The following WWOX variants were observed in gnomAD, a reference collection of about 807,000 sequenced individuals.
WWOX encodes WW domain-containing oxidoreductase.
A neutral mutation model predicts 46.2 loss-of-function variants in WWOX; 69 were observed. The observed-to-expected ratio is 1.49, with a 90% CI of 1.23 to 1.82. The LOEUF is 1.82. Ranked by LOEUF, WWOX falls within the 40% of genes most tolerant of loss-of-function variation. The pLI, the probability that WWOX is intolerant of heterozygous loss-of-function variation, is 0.00. For synonymous variants in WWOX, 359 were observed against 202.6 expected, an observed-to-expected ratio of 1.77 and a Z score of -6.56; for missense variants, 919 against 542.6, an observed-to-expected ratio of 1.69 and a Z score of -6.89.
chr16:78,651,640 A>T (rs970285432), intron 8 of WWOX, among the ~76,000 whole-genome samples: 11 of 152,178 alleles, frequency 7.2e-5, no homozygotes, highest in African/African-American at 2.7e-4. Flanking sequence ...GACCCAGCTC[A>T]TGTCCCCAGG....
chr16:78,296,038 T>C (rs773099696), intron 5 of WWOX, among the ~76,000 whole-genome samples: 42 of 152,248 alleles, frequency 2.8e-4, no homozygotes, highest in African/African-American at 9.6e-4. Flanking sequence ...TTTCTGAGTA[T>C]GAAAAGCATC....
chr16:78,516,950 C>G (rs1342785439), intron 8 of WWOX, among the ~76,000 whole-genome samples: 2 of 152,012 alleles, frequency 1.3e-5, no homozygotes, highest in South Asian at 4.2e-4. Context: ...TTTTTGGAGA[C>G]TTGGGTCTGT....
intron 8 of WWOX, among the ~76,000 whole-genome samples, chr16:78,881,279 C>T (rs1184254324): frequency 6.6e-6 from 1 of 152,218 alleles, no homozygotes; most frequent in African/African-American, 2.4e-5. Flanking sequence ...GCTAGGGTTA[C>T]AGGCATGAGC....
chr16:78,967,459 G>GTTTT (rs57576563), intron 8 of WWOX, among the ~76,000 whole-genome samples: 6 of 98,330 alleles, frequency 6.1e-5, no homozygotes, highest in South Asian at 3.9e-4. Context: ...AATTTTTGTG[G>GTTTT]TTTTTTTTTT....
chr16:78,748,891 A>T (rs1056645898), intron 8 of WWOX, among the ~76,000 whole-genome samples: 1 of 152,222 alleles, frequency 6.6e-6, no homozygotes, highest in Non-Finnish European at 1.5e-5. Context: ...ATTGATTTGC[A>T]AAGCAGCCTG....
At chr16:78,310,850 C>G (rs1196330235) in intron 5 of WWOX, among the ~76,000 whole-genome samples, 2 of 152,164 alleles carry the variant, frequency 1.3e-5, no homozygotes, top group African/African-American at 2.4e-5. Flanking sequence ...AGAAATGAGC[C>G]TCTGTAACGC....
chr16:78,871,868 G>A (rs191456298), intron 8 of WWOX, among the ~76,000 whole-genome samples: 149 of 152,262 alleles, frequency 9.8e-4, no homozygotes, highest in Middle Eastern at 3.4e-3. Flanking sequence ...CTCCCAAAGC[G>A]CTGGGATTAC....
intron 8 of WWOX, among the ~76,000 whole-genome samples, chr16:78,710,592 T>A (rs888958179): frequency 1.5e-4 from 22 of 146,598 alleles, no homozygotes; most frequent in African/African-American, 5.2e-4. Context: ...AAAATATATA[T>A]AAATATATAC....
intron 8 of WWOX, among the ~76,000 whole-genome samples, chr16:78,807,251 G>T (rs1410276396): frequency 6.6e-6 from 1 of 152,202 alleles, no homozygotes; most frequent in East Asian, 1.9e-4. Context: ...CCACTGGCCA[G>T]TGAAGGTCAG....
intron 8 of WWOX, among the ~76,000 whole-genome samples, chr16:78,860,258 A>G (rs1164823987): frequency 6.6e-6 from 1 of 152,214 alleles, no homozygotes; most frequent in African/African-American, 2.4e-5. Flanking sequence ...TAGATGCTTA[A>G]TAAATATTTG....
chr16:78,311,145 G>A (rs917159009), intron 5 of WWOX, among the ~76,000 whole-genome samples: 4 of 152,122 alleles, frequency 2.6e-5, no homozygotes, highest in Admixed American at 6.5e-5. Flanking sequence ...AAAGGGGGGC[G>A]GTGGGTGAAG....
At chr16:78,719,538 C>T (rs189767904) in intron 8 of WWOX, among the ~76,000 whole-genome samples, 1 of 152,048 alleles carries the variant, frequency 6.6e-6, no homozygotes, top group Non-Finnish European at 1.5e-5. Flanking sequence ...ACAAGTGTGT[C>T]GTTAATTAAG....
chr16:78,700,502 G>C (rs977326973), intron 8 of WWOX, among the ~76,000 whole-genome samples: 1 of 152,140 alleles, frequency 6.6e-6, no homozygotes, highest in Admixed American at 6.5e-5. Flanking sequence ...AACATATTCA[G>C]TCCATAGCAT....
intron 8 of WWOX, among the ~76,000 whole-genome samples, chr16:79,164,541 C>G (rs1288844633): frequency 1.3e-5 from 2 of 152,144 alleles, no homozygotes; most frequent in African/African-American, 2.4e-5. Flanking sequence ...GACCTTCTAT[C>G]AGGCCAAGTG....
chr16:78,416,394 T>C (rs2082798184), intron 6 of WWOX, among the ~76,000 whole-genome samples: 1 of 152,260 alleles, frequency 6.6e-6, no homozygotes, highest in Admixed American at 6.5e-5. Flanking sequence ...AAGCACTTTA[T>C]AGTTTCATAT....
chr16:79,108,113 T>C (rs2049345855), intron 8 of WWOX, among the ~76,000 whole-genome samples: 1 of 152,240 alleles, frequency 6.6e-6, no homozygotes, highest in African/African-American at 2.4e-5. Context: ...TTTGTTGGTT[T>C]ATAATTGGGG....
intron 5 of WWOX, among the ~76,000 whole-genome samples, chr16:78,292,400 C>T (rs1273961412): frequency 6.6e-6 from 1 of 152,124 alleles, no homozygotes; most frequent in Non-Finnish European, 1.5e-5. Context: ...AAATCTGTTT[C>T]CAAACATGTT....
intron 8 of WWOX, among the ~76,000 whole-genome samples, chr16:78,637,233 G>T (rs2161720): frequency 6.6e-6 from 1 of 152,010 alleles, no homozygotes; most frequent in African/African-American, 2.4e-5. Flanking sequence ...ACCAGCCTGG[G>T]CAACATGGTG....
chr16:78,945,786 T>C lies in WWOX; in HGVS notation c.1057-265822T>C, dbSNP rs116729300. ...TAGGGCTCATCTGGTATGTGTATTA[T>C]GTTCTTGGTAGACAGAAGCTGTCTT... On this transcript the variant is annotated intron_variant, in intron 8 of 8. Coordinates refer to ENST00000566780, the MANE Select transcript of WWOX (RefSeq NM_016373.4). 4.0e-3 allele frequency among the ~76,000 whole-genome samples: 616 copies of C among 152,302 alleles called. 4 individuals carry two copies. Among genetic ancestry groups the C allele is most frequent in the African/African-American group, 0.014 (566 of 41,554 alleles).
Sources: gnomAD v4.1 joint callset for allele counts (sites outside exome capture counted in the v4.1 genomes callset) on GRCh38, gnomAD v4.1.1 for gene constraint, MANE v1.5 for transcripts, NCBI Gene and HGNC (gene_info 2026-07-23, HGNC 2026-07-21) for gene names.